TMIGD3: variants seen among roughly 807,000 people sequenced by gnomAD.
The protein encoded by TMIGD3 is transmembrane and immunoglobulin domain containing 3.
TMIGD3 carries 21 observed loss-of-function variants against 28.1 expected under a neutral mutation model. The ratio of observed to expected loss-of-function variants is 0.75; its 90% CI spans 0.53 to 1.08. The LOEUF (loss-of-function observed/expected upper bound fraction) is 1.08. TMIGD3 is among the 50% of genes least tolerant of loss of function. The pLI, the probability that TMIGD3 is intolerant of heterozygous loss-of-function variation, is 0.00. For synonymous variants in TMIGD3, 151 were observed against 162.1 expected (o/e 0.93, Z 0.52); for missense variants, 416 against 435.6 (o/e 0.96, Z 0.40).
intron 1 of TMIGD3, among the ~76,000 whole-genome samples, chr1:111,555,362 T>TTAAAAAAAAAAAAAAAAAA (rs1207016273): frequency 2.1e-5 from 1 of 47,650 alleles, no homozygotes; most frequent in African/African-American, 1.2e-4. Context: ...TGAGACTCTG[T>TTAAAAAAAAAAAAAAAAAA]AAAAAAAAAA....
intron 1 of TMIGD3, among the ~76,000 whole-genome samples, chr1:111,540,924 T>C (rs1656800818): frequency 6.6e-6 from 1 of 152,212 alleles, no homozygotes; most frequent in Non-Finnish European, 1.5e-5. Context: ...AATTATCACA[T>C]TGACACCTTT....
At chr1:111,560,778 C>G (rs745754422) in intron 1 of TMIGD3, among the ~76,000 whole-genome samples, 3 of 152,160 alleles carry the variant, frequency 2.0e-5, no homozygotes, top group Non-Finnish European at 4.4e-5. Flanking sequence ...AGGCACACAC[C>G]ACAGCACCTG....
At chr1:111,504,340 C>T (rs1655399738), upstream of TMIGD3, among the ~76,000 whole-genome samples, 3 of 152,200 alleles carry the variant, frequency 2.0e-5, no homozygotes, top group Admixed American at 6.5e-5. Flanking sequence ...GGGAAAAGAA[C>T]GTGTGCAACA....
At chr1:111,548,802 C>T (rs2101032795) in intron 1 of TMIGD3, among the ~76,000 whole-genome samples, 2 of 152,342 alleles carry the variant, frequency 1.3e-5, no homozygotes, top group South Asian at 4.1e-4. Flanking sequence ...CCAGTGATTT[C>T]ACCATTCTCC....
At chr1:111,561,548 G>A (rs1212498183) in intron 1 of TMIGD3, among the ~76,000 whole-genome samples, 2 of 152,186 alleles carry the variant, frequency 1.3e-5, no homozygotes, top group Non-Finnish European at 2.9e-5. Context: ...TACAGACTGA[G>A]ATACAGAGGT....
At chr1:111,502,185 AT>A in intron 1 of TMIGD3, among the ~76,000 whole-genome samples, 1 of 52,190 alleles carries the variant, frequency 1.9e-5, no homozygotes, top group African/African-American at 7.9e-5. Context: ...AATATATAGG[AT>A]ATATATATTA....
At chr1:111,560,037 A>G (rs910884726) in intron 1 of TMIGD3, among the ~76,000 whole-genome samples, 5 of 152,068 alleles carry the variant, frequency 3.3e-5, no homozygotes, top group African/African-American at 9.7e-5. Flanking sequence ...AGAGTAGGCA[A>G]TTTTTTTCAT....
chr1:111,551,068 A>G (rs1221729686), intron 1 of TMIGD3, among the ~76,000 whole-genome samples: 2 of 152,134 alleles, frequency 1.3e-5, no homozygotes, highest in Admixed American at 6.5e-5. Flanking sequence ...TCTTTTTGCT[A>G]CTGTTTGCAG....
chr1:111,557,163 C>T (rs904285294), intron 1 of TMIGD3, among the ~76,000 whole-genome samples: 1 of 152,116 alleles, frequency 6.6e-6, no homozygotes, highest in Non-Finnish European at 1.5e-5. Context: ...ACTGATTTTT[C>T]AACACCACAG....
chr1:111,502,383 ATATATATAGG>A, intron 1 of TMIGD3, among the ~76,000 whole-genome samples: 1 of 133,522 alleles, frequency 7.5e-6, no homozygotes, highest in African/African-American at 2.8e-5. Flanking sequence ...ATTATAATGA[ATATATATAGG>A]ATACATATAT....
upstream of TMIGD3, among the ~76,000 whole-genome samples, chr1:111,506,954 CATATAT>C (rs66516240): frequency 2.7e-4 from 38 of 143,304 alleles, no homozygotes; most frequent in Admixed American, 2.6e-3. Context: ...TATACACACA[CATATAT>C]ATATACACAC....
upstream of TMIGD3, among the ~76,000 whole-genome samples, chr1:111,508,371 C>T (rs942213488): frequency 2.0e-5 from 3 of 152,214 alleles, no homozygotes; most frequent in African/African-American, 7.2e-5. Flanking sequence ...AGCTGAGGCG[C>T]TATGCTCAAT....
At chr1:111,491,448 T>C (rs1654659333) in intron 1 of TMIGD3, among the ~76,000 whole-genome samples, 1 of 152,256 alleles carries the variant, frequency 6.6e-6, no homozygotes, top group Admixed American at 6.5e-5. Flanking sequence ...GTTGGAATTA[T>C]TGAATCACCT....
intron 1 of TMIGD3, among the ~76,000 whole-genome samples, chr1:111,549,599 G>A (rs1222846784): frequency 1.3e-5 from 2 of 148,304 alleles, no homozygotes; most frequent in Admixed American, 6.8e-5. Context: ...GTGGTGAGCC[G>A]ATATCATGCC....
chr1:111,559,348 G>A (rs1324874841), intron 1 of TMIGD3, among the ~76,000 whole-genome samples: 1 of 152,072 alleles, frequency 6.6e-6, no homozygotes, highest in African/African-American at 2.4e-5. Context: ...AATGTTTATT[G>A]AACACCCACT....
intron 1 of TMIGD3, among the ~76,000 whole-genome samples, chr1:111,522,956 T>C (rs1166429723): frequency 6.6e-6 from 1 of 152,234 alleles, no homozygotes; most frequent in Non-Finnish European, 1.5e-5. Context: ...ACTCATCCCT[T>C]TTCAATCAGA....
chr1:111,490,401 A>G (rs1033695026), intron 2 of TMIGD3: 2 of 491,408 alleles, frequency 4.1e-6, no homozygotes, highest in South Asian at 3.0e-5. Context: ...TAATTTCAGT[A>G]TATGTGCTGC....
chr1:111,499,822 G>C (rs575559133), intron 1 of TMIGD3: 9 of 1,510,626 alleles, frequency 6.0e-6, no homozygotes, highest in Non-Finnish European at 7.9e-6. Flanking sequence ...GGGAGCACTG[G>C]AGATGCTCCC....
chr1:111,531,382 A>T (rs1325727384), intron 1 of TMIGD3, among the ~76,000 whole-genome samples: 1 of 152,048 alleles, frequency 6.6e-6, no homozygotes, highest in Non-Finnish European at 1.5e-5. Flanking sequence ...TTTTCTTCAC[A>T]GTATTTAATC....
Sources: allele counts gnomAD v4.1 joint callset (sites outside exome capture counted in the v4.1 genomes callset), GRCh38; gene constraint gnomAD v4.1.1; transcripts MANE v1.5; gene names NCBI Gene and HGNC (gene_info 2026-07-23, HGNC 2026-07-21).